The following DDX51 variants were observed in gnomAD, a reference collection of about 807,000 sequenced individuals.
The protein encoded by DDX51 is DEAD-box helicase 51.
In DDX51, 67 loss-of-function variants were observed where a neutral mutation model predicts 74.6. That is an observed-to-expected ratio of 0.90 (90% CI 0.74 to 1.10). The LOEUF is 1.10. Ranked by LOEUF, DDX51 falls within the 50% of genes least tolerant of loss-of-function variation. The probability of loss-of-function intolerance (pLI) is 0.00; values close to 1 mark genes in which losing one functional copy is unlikely to be tolerated. For synonymous variants in DDX51, 545 were observed against 402.9 expected (o/e 1.35, Z -4.22); for missense variants, 1,056 against 905.2 (o/e 1.17, Z -2.14).
In DDX51 at chr12:132,142,323, G is replaced by A. The variant is rs754086302; in HGVS notation, c.770C>T (p.Pro257Leu). Residue 257 changes from proline to leucine, a missense_variant, in exon 4 of 15, where the codon CCA (proline) becomes CTA (leucine). Physicochemically the swap from Pro to Leu is moderately conservative, Grantham distance 98. Transcript: ENST00000397333. ...GGCCAGTGTCTTCCCACTGCCTGTT[G>A]GGGCAGAAACACAGAGGTCGCTAGG... ...YRPSDLCVSA[P>L]TGSGKTLAFV... The A allele has an allele frequency of 6.2e-7, 1 of 1,613,120 alleles. No homozygotes were observed.
Position 132,139,485 on chromosome 12 carries a change from C to T in DDX51, c.1974+150G>A, listed in dbSNP as rs1051399186. The T allele has an allele frequency of 1.4e-5, 22 of 1,560,072 alleles. No individual in the cohort carries two copies. In the African/African-American group the frequency reaches 2.6e-4, roughly 18 times the overall value. On this transcript the variant is annotated intron_variant, in intron 14 of 14. Transcript: ENST00000397333. ...CCACTGGTGCCCAGGGGCTCCCCGC[C>T]CTTGGGCCAGAAGCTCGAGGACAAC...
At position 132,142,387 on chromosome 12, in the gene DDX51, C is replaced by T. The variant is rs573512527; in HGVS notation, c.706G>A (p.Ala236Thr). 1.9e-5 allele frequency: 31 copies of T among 1,612,746 alleles called. No homozygotes were observed. The highest frequency in any genetic ancestry group is 6.7e-5 in the African/African-American group (5 of 75,066). ...AAVIPALLES[A>T]ACGFLVGRGG... ...CTGCCCACCAGAAACCCACAGGCTG[C>T]GCTCTCCAGGAGGGCAGGAATCACA... The change falls in exon 4 of 15, where the codon GCA becomes ACA. Residue 236 changes from alanine (A) to threonine (T), a missense_variant. By Grantham distance (58) the Ala-to-Thr change is moderately conservative (BLOSUM62 0). Transcript: ENST00000397333.
chr12:132,143,839 T>C lies in DDX51; in HGVS notation c.375A>G (p.Ala125=), dbSNP rs1897584448. The C allele has an allele frequency of 6.7e-7, 1 of 1,498,772 alleles. No individual in the cohort carries two copies. The highest frequency in any genetic ancestry group is 2.8e-5 in the East Asian group (1 of 35,254). The allele number at this position is 1,498,772 out of a possible 1,614,324, so 92.8% of individuals were successfully genotyped here. The change falls in exon 2 of 15, where the codon GCA becomes GCG. Residue 125 remains alanine, a synonymous_variant. Coordinates refer to ENST00000397333, the MANE Select transcript of DDX51 (RefSeq NM_175066.4). ...SSEEAPGEPS[A]GSSEEAPGER... is the part of the protein sequence containing the mutation. ...CCCCCGGCGCCTCCTCGCTGCTCCC[T>C]GCGCTGGGCTCCCCTGGCGCCTCCT...
In DDX51 at chr12:132,143,748, G is replaced by T. The variant is rs911382647; in HGVS notation, c.466C>A (p.Pro156Thr). ...DGPALEEAAG[P>T]LVPGLVLGGF... ...CCCAGCACCAGGCCGGGGACCAGGG[G>T]TCCGGCCGCCTCCTCCAGGGCCGGT... The change falls in exon 2 of 15, where the codon CCC (proline) becomes ACC (threonine). Residue 156 changes from proline (P) to threonine (T), a missense_variant. Transcript: ENST00000397333. 2 of 1,527,406 alleles carry T rather than the reference G, an allele frequency of 1.3e-6. No individual in the cohort carries two copies. Among genetic ancestry groups the T allele is most frequent in the African/African-American group, 2.8e-5 (2 of 70,848 alleles). The allele number at this position is 1,527,406 out of a possible 1,614,324, so 94.6% of individuals were successfully genotyped here. A position where few individuals can be genotyped will look rare whatever the true frequency, so the allele number is the denominator to read the frequency against.
intron 3 of DDX51, 38 bp from the exon 4 acceptor site, chr12:132,142,460 C>A (rs890364129): frequency 1.3e-6 from 2 of 1,592,678 alleles, no homozygotes; most frequent in Non-Finnish European, 1.7e-6. Flanking sequence ...CGTGTTTACG[C>A]CTAGGCCTAG....
At position 132,140,557 on chromosome 12, in the gene DDX51, T is replaced by C; in HGVS notation, c.1557-18A>G. On this transcript the variant is annotated intron_variant, in intron 10 of 14. Coordinates refer to ENST00000397333, the MANE Select transcript of DDX51 (RefSeq NM_175066.4). ...GGAAGAGCCTAGGCAGAGAGAAGGC[T>C]GCGGCCAAGTGATGCTGGGACCAGA... 3 of 1,612,868 alleles carry C rather than the reference T, an allele frequency of 1.9e-6. No individual in the cohort carries two copies. The highest frequency in any genetic ancestry group is 2.5e-6 in the Non-Finnish European group (3 of 1,179,958).
In DDX51 at chr12:132,141,383, T is replaced by G; in HGVS notation, c.1142A>C (p.His381Pro). The change falls in exon 8 of 15, where the codon CAT becomes CCT. Residue 381 changes from histidine to proline, a missense_variant. By Grantham distance (77) the His-to-Pro change is moderately conservative. Transcript: ENST00000397333. ...CACCACCCGCGGCAGCCAGGACTGA[T>G]GCATGCTGTCAATCATCCGGTCAGC... ...DEADRMIDSM[H>P]QSWLPRVVAA... The G allele has an allele frequency of 1.3e-6, 2 of 1,597,772 alleles. No individual in the cohort carries two copies. Among genetic ancestry groups the G allele is most frequent in the East Asian group, 4.5e-5 (2 of 44,848 alleles).
intron 9 of DDX51, 30 bp downstream of exon 9, chr12:132,140,801 A>G (rs1343117331): frequency 6.2e-7 from 1 of 1,613,258 alleles, no homozygotes; most frequent in East Asian, 2.2e-5. Context: ...TTCCCAGTGC[A>G]ACCCTCTGCC....
At position 132,142,316 on chromosome 12, in the gene DDX51, G is replaced by A. The variant is rs1180137501; in HGVS notation, c.777C>T (p.Gly259=). 2 of 1,613,136 alleles carry A rather than the reference G, an allele frequency of 1.2e-6. No individual in the cohort carries two copies. The highest frequency in any genetic ancestry group is 1.7e-6 in the Non-Finnish European group (2 of 1,180,000). The stretch of plus-strand genomic sequence containing the variant: ...TGACGAAGGCCAGTGTCTTCCCACT[G>A]CCTGTTGGGGCAGAAACACAGAGGT... ...PSDLCVSAPT[G]SGKTLAFVIP... is the part of the protein sequence containing the mutation. Residue 259 remains glycine (G), a synonymous_variant, in exon 4 of 15, where the codon GGC becomes GGT. Transcript: ENST00000397333.
At chr12:132,141,049 C>T (rs754368288) in intron 8 of DDX51, 29 bp from the exon 9 acceptor site, 57 of 1,567,208 alleles carry the variant, frequency 3.6e-5, no homozygotes, top group African/African-American at 5.5e-5. Flanking sequence ...TTGCTGGCAC[C>T]CTACCAGTGG....
Position 132,141,179 on chromosome 12 carries a change from C to G in DDX51, c.1250+96G>C. 2.0e-6 allele frequency: 3 copies of G among 1,507,712 alleles called. 1 individual carries two copies. The South Asian group carries it at 3.9e-5, about 20-fold the overall frequency. 93.4% of individuals were successfully genotyped at this position (1,507,712 alleles called of 1,614,324 possible). ...TACGATGCGGTTCTGTGCACCAGAG[C>G]TCAAGCCACCCTTATCTCTGGGCAT... On this transcript the variant is annotated intron_variant, in intron 8 of 14. Transcript: ENST00000397333.
Position 132,140,856 on chromosome 12 carries a change from T to C in DDX51, c.1415A>G (p.Lys472Arg). The C allele has an allele frequency of 1.2e-6, 2 of 1,613,566 alleles. No homozygotes were observed. The highest frequency in any genetic ancestry group is 1.7e-6 in the Non-Finnish European group (2 of 1,179,978). ...EDTDGDGDSG[K>R]YAFPVGLTHH... ...CGTGAGCCCAACAGGAAAGGCATACTTCCCCGAATCCCCGTCCCCATCTGT... is the reference window on the plus strand; with the variant it reads ...CGTGAGCCCAACAGGAAAGGCATACCTCCCCGAATCCCCGTCCCCATCTGT... Residue 472 changes from lysine (K) to arginine (R), a missense_variant, in exon 9 of 15, where the codon AAG becomes AGG. Physicochemically the swap from Lys to Arg is conservative, Grantham distance 26. Coordinates refer to ENST00000397333, the MANE Select transcript of DDX51 (RefSeq NM_175066.4).
rs755426157 is a variant in DDX51 at position 132,143,858 on chromosome 12, G to A, written c.356C>T (p.Ala119Val). ...GCTCCCTGCGCTGGGCTCCCCTGGC[G>A]CCTCCTCGCTGCTCCCTGCGCTGGG... ...GEPSAGSSEE[A>V]PGEPSAGSSE... Residue 119 changes from alanine (A) to valine (V), a missense_variant, in exon 2 of 15, where the codon GCG becomes GTG. Coordinates refer to ENST00000397333, the MANE Select transcript of DDX51 (RefSeq NM_175066.4). 2.0e-6 allele frequency: 3 copies of A among 1,531,016 alleles called. No individual in the cohort carries two copies. Among genetic ancestry groups the A allele is most frequent in the South Asian group, 2.4e-5 (2 of 83,724 alleles). The allele number at this position is 1,531,016 out of a possible 1,614,324, so 94.8% of individuals were successfully genotyped here.
Position 132,139,053 on chromosome 12 carries a change from CCA to C in DDX51, c.*217_*218del. 1 of 624,348 alleles carries C rather than the reference CCA, an allele frequency of 1.6e-6. No homozygotes were observed. Among genetic ancestry groups the C allele is most frequent in the Non-Finnish European group, 2.7e-6 (1 of 365,584 alleles). The allele number at this position is 624,348 out of a possible 1,614,324, so 38.7% of individuals were successfully genotyped here. A position where few individuals can be genotyped will look rare whatever the true frequency, so the allele number is the denominator to read the frequency against. ...TCATTGCCCGCAGCCATCCTGACCTCCACACTCTGAAAGTGACAAGCCCTGAA... is the reference window on the plus strand; with the variant it reads ...TCATTGCCCGCAGCCATCCTGACCTCCACTCTGAAAGTGACAAGCCCTGAA... On this transcript the variant is annotated 3_prime_UTR_variant, in exon 15 of 15. Coordinates refer to ENST00000397333, the MANE Select transcript of DDX51 (RefSeq NM_175066.4).
rs781031787 is a variant in DDX51, at chr12:132,140,089, A to G, written c.1775+9T>C. ...CAGACCCCCCAGTGGCCGCTGCGCC[A>G]GCGCTCACCGGTGCACGTAGGTTCT... On this transcript the variant is annotated intron_variant, in intron 12 of 14. Coordinates refer to ENST00000397333, the MANE Select transcript of DDX51 (RefSeq NM_175066.4). The G allele has an allele frequency of 1.2e-6, 2 of 1,611,936 alleles. No individual in the cohort carries two copies. The highest frequency in any genetic ancestry group is 4.5e-5 in the East Asian group (2 of 44,846).
Position 132,142,714 on chromosome 12 carries a change from C to A in DDX51, c.670+14G>T, listed in dbSNP as rs746459282. On this transcript the variant is annotated intron_variant, in intron 3 of 14. Coordinates refer to ENST00000397333, the MANE Select transcript of DDX51 (RefSeq NM_175066.4). ...GGAGGTGTTCCCTCAGCTGCCTGCC[C>A]GGGGCTGGGGCACCTGGAAAGTAGG... 4 of 1,611,704 alleles carry A rather than the reference C, an allele frequency of 2.5e-6. No homozygotes were observed. The Admixed American group carries it at 5.0e-5, about 20-fold the overall frequency.
At chr12:132,139,347 C>T (rs768406195) in intron 14 of DDX51, 49 bp from the exon 15 acceptor site, 32 of 1,596,026 alleles carry the variant, frequency 2.0e-5, no homozygotes, top group African/African-American at 2.7e-5. Flanking sequence ...GTCCCCTCAT[C>T]GTCTGTGGGG....
At chr12:132,143,548 G>C in intron 2 of DDX51, 147 bp downstream of exon 2, 1 of 1,065,442 alleles carries the variant, frequency 9.4e-7, no homozygotes, top group Non-Finnish European at 1.3e-6. Flanking sequence ...CAGACCCCTA[G>C]GCGATGAAAC....
chr12:132,139,937 G>C lies in DDX51; in HGVS notation c.1776-13C>G. On this transcript the variant is annotated splice_polypyrimidine_tract_variant and intron_variant, in intron 12 of 14. Coordinates refer to ENST00000397333, the MANE Select transcript of DDX51 (RefSeq NM_175066.4). Reference sequence around the variant, plus strand: ...TGTCCTCCCAACCCTGGAATCAAACGCAGCTATCTCCAGACTGGCCCCTGA... The same window carrying C: ...TGTCCTCCCAACCCTGGAATCAAACCCAGCTATCTCCAGACTGGCCCCTGA... The C allele has an allele frequency of 6.2e-7, 1 of 1,612,884 alleles. No individual in the cohort carries two copies. Among genetic ancestry groups the C allele is most frequent in the Non-Finnish European group, 8.5e-7 (1 of 1,179,926 alleles).
Sources: allele counts gnomAD v4.1 joint callset, GRCh38; gene constraint gnomAD v4.1.1; transcripts MANE v1.5; gene names NCBI Gene and HGNC (gene_info 2026-07-23, HGNC 2026-07-21).